The following CCDC66 variants were observed in gnomAD, a reference collection of about 807,000 sequenced individuals.
The protein encoded by CCDC66 is coiled-coil domain containing 66, also known as coiled-coil domain-containing protein 66.
A neutral mutation model predicts 128.3 loss-of-function variants in CCDC66; 133 were observed. That is an observed-to-expected ratio of 1.04 (90% confidence interval 0.90 to 1.20). The LOEUF (loss-of-function observed/expected upper bound fraction) is 1.20. CCDC66 is among the 50% of genes most tolerant of loss of function. The pLI is 0.00. For synonymous variants in CCDC66, 387 were observed against 357.0 expected (o/e 1.08, Z -0.95); for missense variants, 1,126 against 1,075.5 (o/e 1.05, Z -0.66).
chr3:56,611,598 C>T (rs1460091485), intron 10 of CCDC66, among the ~76,000 whole-genome samples: 1 of 130,510 alleles, frequency 7.7e-6, no homozygotes, highest in Non-Finnish European at 1.6e-5. Flanking sequence ...GGCAAGGAAG[C>T]TTCTCGTCCT....
chr3:56,579,798 T>C (rs987114747), intron 7 of CCDC66, among the ~76,000 whole-genome samples: 2 of 151,920 alleles, frequency 1.3e-5, no homozygotes, highest in South Asian at 4.1e-4. Context: ...TTCTGTTCTT[T>C]TACATTTGCT....
intron 10 of CCDC66, among the ~76,000 whole-genome samples, chr3:56,597,996 G>A (rs1453031985): frequency 3.3e-5 from 5 of 151,476 alleles, no homozygotes; most frequent in African/African-American, 9.7e-5. Context: ...GGCTGGTCTC[G>A]AACTCCTGAC....
In CCDC66 at chr3:56,617,370, C is replaced by T. The variant is rs769021711; in HGVS notation, c.2102C>T (p.Pro701Leu). Residue 701 changes from proline (P) to leucine (L), a missense_variant, in exon 14 of 18, where the codon CCT becomes CTT. Physicochemically the swap from Pro to Leu is moderately conservative, Grantham distance 98. Transcript: ENST00000394672. ...TKHMKKYPKR[P>L]DWNINKPPKR... ...CACATGAAGAAATATCCTAAAAGGC[C>T]TGATTGGAATATAAATAAGCCACCT... is the stretch of plus-strand genomic sequence containing the variant. 4 of 1,613,700 alleles carry T rather than the reference C, an allele frequency of 2.5e-6. No homozygotes were observed. The highest frequency in any genetic ancestry group is 1.7e-5 in the Admixed American group (1 of 59,942).
At chr3:56,576,250 G>C (rs184833484) in intron 7 of CCDC66, among the ~76,000 whole-genome samples, 16 of 148,156 alleles carry the variant, frequency 1.1e-4, no homozygotes, top group Non-Finnish European at 2.2e-4. Context: ...ACTCCTCCTT[G>C]GTTAAGTTTT....
chr3:56,615,606 C>A (rs1167928806), intron 12 of CCDC66, among the ~76,000 whole-genome samples: 1 of 151,944 alleles, frequency 6.6e-6, no homozygotes, highest in Non-Finnish European at 1.5e-5. Flanking sequence ...AGACTTTAAA[C>A]TAGTATAATT....
chr3:56,611,594 G>A (rs1264235976), intron 10 of CCDC66, among the ~76,000 whole-genome samples: 1 of 141,034 alleles, frequency 7.1e-6, no homozygotes, highest in African/African-American at 2.7e-5. Flanking sequence ...TTCTGGCAAG[G>A]AAGCTTCTCG....
chr3:56,613,489 G>T (rs1047715187), intron 10 of CCDC66, 100 bp from the exon 11 acceptor site: 2 of 1,370,434 alleles, frequency 1.5e-6, no homozygotes, highest in African/African-American at 1.5e-5. Flanking sequence ...TCCCCTCTGT[G>T]GAAGAGGTGA....
Position 56,593,727 on chromosome 3 carries a change from C to T in CCDC66, c.1305C>T (p.Asn435=), listed in dbSNP as rs2071349038. The T allele has an allele frequency of 1.2e-6, 2 of 1,611,716 alleles. No homozygotes were observed. The highest frequency in any genetic ancestry group is 1.7e-5 in the Admixed American group (1 of 59,942). The change falls in exon 9 of 18, where the codon AAC becomes AAT. Residue 435 remains asparagine (N), a synonymous_variant. Coordinates refer to ENST00000394672, the MANE Select transcript of CCDC66 (RefSeq NM_001141947.3). ...CTATTAAGGATGTGGTTATGGCAAACAGTAAGAAAACAAAGTAAGTTCATG... is the reference window on the plus strand; with the variant it reads ...CTATTAAGGATGTGGTTATGGCAAATAGTAAGAAAACAAAGTAAGTTCATG... ...AKPIKDVVMA[N]SKKTNFLRSM...
chr3:56,579,106 C>T (rs1344051406), intron 7 of CCDC66, among the ~76,000 whole-genome samples: 2 of 151,746 alleles, frequency 1.3e-5, no homozygotes, highest in African/African-American at 2.4e-5. Flanking sequence ...TTGGTCTATT[C>T]AGGGATTCAT....
At chr3:56,567,197 C>T in intron 6 of CCDC66, 144 bp downstream of exon 6, 1 of 574,772 alleles carries the variant, frequency 1.7e-6, no homozygotes, top group Non-Finnish European at 3.1e-6. Context: ...CAAGACCATC[C>T]TGGCCAACAT....
chr3:56,620,066 C>T, intron 17 of CCDC66, 165 bp downstream of exon 17: 1 of 619,936 alleles, frequency 1.6e-6, no homozygotes, highest in African/African-American at 1.8e-5. Flanking sequence ...TGGGACTTTC[C>T]TAAGACTTGC....
intron 11 of CCDC66, 88 bp from the exon 12 acceptor site, chr3:56,615,040 G>A: frequency 5.1e-6 from 7 of 1,380,296 alleles, no homozygotes; most frequent in Non-Finnish European, 7.0e-6. Context: ...TGATACATAG[G>A]AGAAGCTTAG....
chr3:56,584,871 C>T (rs966609419), intron 7 of CCDC66, among the ~76,000 whole-genome samples: 4 of 151,988 alleles, frequency 2.6e-5, no homozygotes, highest in East Asian at 2.0e-4. Context: ...TGGCAGATCA[C>T]TCACGGTTAG....
At chr3:56,582,487 A>T (rs1241442891) in intron 7 of CCDC66, among the ~76,000 whole-genome samples, 1 of 151,832 alleles carries the variant, frequency 6.6e-6, no homozygotes, top group African/African-American at 2.4e-5. Context: ...CTCACGCTGG[A>T]AGCTGCAGAC....
chr3:56,596,301 T>TA (rs566110395), intron 10 of CCDC66, among the ~76,000 whole-genome samples: 6 of 152,188 alleles, frequency 3.9e-5, no homozygotes, highest in Non-Finnish European at 7.3e-5. Context: ...CTGTGATTAG[T>TA]AATGTTGAGC....
At chr3:56,608,157 T>C (rs2074318260) in intron 10 of CCDC66, among the ~76,000 whole-genome samples, 1 of 152,188 alleles carries the variant, frequency 6.6e-6, no homozygotes, top group Non-Finnish European at 1.5e-5. Context: ...TAGAATGAAT[T>C]AGGGAGGGTT....
At chr3:56,560,559 C>A (rs538008263) in intron 3 of CCDC66, among the ~76,000 whole-genome samples, 37 of 152,250 alleles carry the variant, frequency 2.4e-4, no homozygotes, top group African/African-American at 8.4e-4. Flanking sequence ...GGTGAAACCC[C>A]ATCTTTATGA....
chr3:56,595,338 T>C lies in CCDC66; in HGVS notation c.1404+1310T>C, dbSNP rs550027532. On this transcript the variant is annotated intron_variant, in intron 10 of 17. Coordinates refer to ENST00000394672, the MANE Select transcript of CCDC66 (RefSeq NM_001141947.3). ...TATTGCTATCAAACATTAGAACTTA[T>C]TCCTTTCATCTAACCATATGTTTGT... 5.4e-4 allele frequency among the ~76,000 whole-genome samples: 83 copies of C among 152,294 alleles called. No individual in the cohort carries two copies. The South Asian group carries it at 0.011, about 21-fold the overall frequency.
intron 7 of CCDC66, among the ~76,000 whole-genome samples, chr3:56,589,630 G>A (rs1237035249): frequency 1.3e-5 from 2 of 152,094 alleles, no homozygotes; most frequent in African/African-American, 4.8e-5. Flanking sequence ...ATGTACCAGT[G>A]TCATTAGCAC....
Sources: gnomAD v4.1 joint callset for allele counts (sites outside exome capture counted in the v4.1 genomes callset) on GRCh38, gnomAD v4.1.1 for gene constraint, MANE v1.5 for transcripts, NCBI Gene and HGNC (gene_info 2026-07-23, HGNC 2026-07-21) for gene names.